TBC1D1: variants seen among roughly 807,000 people sequenced by gnomAD.
TBC1D1 encodes TBC1 domain family member 1, also known as TBC1 (tre-2/USP6, BUB2, cdc16) domain family, member 1.
Under a neutral mutation model 125.6 loss-of-function variants are expected in TBC1D1, and 89 were observed. That is an observed-to-expected ratio of 0.71 (90% CI 0.60 to 0.85). The LOEUF is 0.85. Among genes scored for constraint, TBC1D1 ranks in the 40% least tolerant of loss-of-function variants. TBC1D1 has a pLI of 0.00. For missense variants in TBC1D1, 1,377 were observed against 1,469.2 expected (o/e 0.94, Z 1.03); for synonymous variants, 565 against 564.1 (o/e 1.00, Z -0.02).
intron 2 of TBC1D1, among the ~76,000 whole-genome samples, chr4:37,944,892 T>C (rs1384141630): frequency 6.6e-6 from 1 of 152,206 alleles, no homozygotes; most frequent in Non-Finnish European, 1.5e-5. Context: ...GTACCTCATT[T>C]GGAAATGCAG....
intron 2 of TBC1D1, among the ~76,000 whole-genome samples, chr4:37,968,436 G>A (rs144299436): frequency 0.011 from 1,629 of 152,278 alleles, 26 homozygotes; most frequent in African/African-American, 0.037. Context: ...TCATGAAGTC[G>A]GCTTGCTGTT....
chr4:38,098,960 A>G (rs575127807), intron 14 of TBC1D1, among the ~76,000 whole-genome samples: 1 of 152,350 alleles, frequency 6.6e-6, no homozygotes, highest in African/African-American at 2.4e-5. Context: ...ATCCTATGAC[A>G]TTATAGATAA....
intron 6 of TBC1D1, among the ~76,000 whole-genome samples, chr4:38,024,488 C>T (rs1460683199): frequency 1.3e-5 from 2 of 152,132 alleles, no homozygotes; most frequent in Non-Finnish European, 2.9e-5. Context: ...TTGCTGCCGT[C>T]GTTTTGGAAT....
intron 2 of TBC1D1, among the ~76,000 whole-genome samples, chr4:37,937,716 G>A (rs991174732): frequency 2.0e-5 from 3 of 152,184 alleles, no homozygotes; most frequent in African/African-American, 7.2e-5. Flanking sequence ...GTATTTGAAA[G>A]TTACATATAA....
At chr4:38,077,813 T>C (rs1755856758) in intron 12 of TBC1D1, among the ~76,000 whole-genome samples, 1 of 152,174 alleles carries the variant, frequency 6.6e-6, no homozygotes, top group African/African-American at 2.4e-5. Context: ...GGCATTGCAC[T>C]CCATGATAAT....
At chr4:37,960,037 A>C (rs1729668968) in intron 2 of TBC1D1, among the ~76,000 whole-genome samples, 1 of 152,268 alleles carries the variant, frequency 6.6e-6, no homozygotes, top group Non-Finnish European at 1.5e-5. Flanking sequence ...GAAATAATGT[A>C]TGCAAAAGTA....
At chr4:38,132,980 A>T in intron 18 of TBC1D1, 104 bp from the exon 21 acceptor site, 1 of 915,458 alleles carries the variant, frequency 1.1e-6, no homozygotes, top group South Asian at 1.7e-5. Context: ...CTAAGCGTAG[A>T]GGAGACGCTT....
intron 2 of TBC1D1, among the ~76,000 whole-genome samples, chr4:37,912,734 G>A (rs1250821720): frequency 2.0e-5 from 3 of 152,160 alleles, no homozygotes; most frequent in Non-Finnish European, 4.4e-5. Context: ...TCTACTATGT[G>A]AGGATGCAGC....
chr4:38,112,975 C>A (rs1762437868), intron 15 of TBC1D1, among the ~76,000 whole-genome samples: 1 of 152,150 alleles, frequency 6.6e-6, no homozygotes, highest in Non-Finnish European at 1.5e-5. Flanking sequence ...TGCCTGTCAG[C>A]TTGCTGATAA....
At chr4:37,992,652 G>A (rs916474454) in intron 2 of TBC1D1, among the ~76,000 whole-genome samples, 7 of 151,408 alleles carry the variant, frequency 4.6e-5, no homozygotes, top group East Asian at 1.9e-4. Flanking sequence ...CTGTCACCAC[G>A]CCCGGCTAGT....
chr4:37,892,087 C>T (rs557692689), intron 1 of TBC1D1, among the ~76,000 whole-genome samples: 19 of 152,204 alleles, frequency 1.2e-4, no homozygotes, highest in African/African-American at 3.1e-4. Context: ...TTCAGGGTGC[C>T]TCATATTAAT....
chr4:37,928,292 C>T (rs1200647416), intron 2 of TBC1D1, among the ~76,000 whole-genome samples: 1 of 152,232 alleles, frequency 6.6e-6, no homozygotes, highest in African/African-American at 2.4e-5. Flanking sequence ...GGTATTACTT[C>T]TTCAATGCTT....
chr4:38,045,945 C>T (rs1472559565), intron 10 of TBC1D1, 42 bp downstream of exon 10: 2 of 1,539,740 alleles, frequency 1.3e-6, no homozygotes, highest in Admixed American at 1.7e-5. Context: ...AAGAAACCAA[C>T]AAATAGGTCT....
chr4:38,051,053 GC>G (rs1212994317), intron 11 of TBC1D1, among the ~76,000 whole-genome samples: 1 of 152,196 alleles, frequency 6.6e-6, no homozygotes, highest in East Asian at 1.9e-4. Context: ...CCTCACCACT[GC>G]CTGCCCACTC....
intron 2 of TBC1D1, among the ~76,000 whole-genome samples, chr4:37,907,378 A>C (rs1187890226): frequency 6.6e-6 from 1 of 152,186 alleles, no homozygotes; most frequent in Non-Finnish European, 1.5e-5. Flanking sequence ...CCATTGATCT[A>C]TCTAGCAGTT....
At position 38,137,932 on chromosome 4, in the gene TBC1D1, G is replaced by T. The variant is rs901310026; in HGVS notation, c.*597G>T. 11 of 152,582 alleles carry T rather than the reference G, an allele frequency of 7.2e-5. No individual in the cohort carries two copies. The highest frequency in any genetic ancestry group is 2.7e-4 in the African/African-American group (11 of 41,470). 9.5% of individuals were successfully genotyped at this position (152,582 alleles called of 1,614,324 possible). On this transcript the variant is annotated 3_prime_UTR_variant, in exon 20 of 20. Transcript: ENST00000261439. ...GATGAGTTCAGCCTTTATCCCTCGT[G>T]GTTCCACTAGATGTAACTTAAAGGA...
intron 2 of TBC1D1, among the ~76,000 whole-genome samples, chr4:37,950,828 G>A (rs1051904688): frequency 1.3e-5 from 2 of 149,304 alleles, no homozygotes; most frequent in Admixed American, 6.7e-5. Flanking sequence ...GTGTGATCTC[G>A]ACTCACTGAA....
At chr4:37,910,017 A>G (rs2925952) in intron 2 of TBC1D1, among the ~76,000 whole-genome samples, 102,556 of 152,076 alleles carry the variant, frequency 0.67, 34,870 homozygotes, top group African/African-American at 0.77. Flanking sequence ...TCTTAACACC[A>G]GATTGATTAC....
chr4:37,896,691 G>T (rs138961239), intron 1 of TBC1D1, among the ~76,000 whole-genome samples: 9 of 151,426 alleles, frequency 5.9e-5, no homozygotes, highest in African/African-American at 1.9e-4. Context: ...CACTTGGATG[G>T]GAGTCAGGGA....
Sources: gnomAD v4.1 joint callset for allele counts (sites outside exome capture counted in the v4.1 genomes callset) on GRCh38, gnomAD v4.1.1 for gene constraint, MANE v1.5 for transcripts, NCBI Gene and HGNC (gene_info 2026-07-23, HGNC 2026-07-21) for gene names.